Variants in ROBO1 observed in about 807,000 individuals in gnomAD.
ROBO1 encodes roundabout homolog 1.
ROBO1 carries 149 observed loss-of-function variants against 195.9 expected under a neutral mutation model. That is an observed-to-expected ratio of 0.76 (90% confidence interval 0.67 to 0.87). The LOEUF is 0.87. ROBO1 is among the 40% of genes least tolerant of loss of function. The pLI, the probability that ROBO1 is intolerant of heterozygous loss-of-function variation, is 0.00. For synonymous variants in ROBO1, 816 were observed against 733.2 expected (o/e 1.11, Z -1.82); for missense variants, 1,933 against 2,068.3 (o/e 0.93, Z 1.27).
At chr3:78,806,109 A>G (rs1282099473) in intron 4 of ROBO1, among the ~76,000 whole-genome samples, 2 of 151,940 alleles carry the variant, frequency 1.3e-5, no homozygotes, top group East Asian at 3.9e-4. Context: ...GCAGGTGTGC[A>G]CTACCACATC....
At chr3:79,554,462 A>T (rs1344277248) in intron 2 of ROBO1, among the ~76,000 whole-genome samples, 1 of 152,082 alleles carries the variant, frequency 6.6e-6, no homozygotes, top group African/African-American at 2.4e-5. Context: ...GCATGAAAGG[A>T]TGGTTAAAAC....
chr3:78,685,988 T>A (rs1178094799), intron 9 of ROBO1, 71 bp from the exon 10 acceptor site: 1 of 1,294,118 alleles, frequency 7.7e-7, no homozygotes, highest in African/African-American at 1.5e-5. Flanking sequence ...TTTTGGCACT[T>A]ATGCATTTAC....
intron 1 of ROBO1, among the ~76,000 whole-genome samples, chr3:79,719,997 T>C (rs1702635974): frequency 6.6e-6 from 1 of 152,186 alleles, no homozygotes; most frequent in African/African-American, 2.4e-5. Context: ...ATGTGTACTA[T>C]AAAAATATAA....
chr3:78,924,017 T>C (rs2039079932), intron 4 of ROBO1, among the ~76,000 whole-genome samples: 2 of 151,658 alleles, frequency 1.3e-5, no homozygotes, highest in African/African-American at 2.4e-5. Context: ...AACTCTGTTA[T>C]CCAACAAAAG....
chr3:78,991,761 A>T (rs1295139514), intron 3 of ROBO1, among the ~76,000 whole-genome samples: 5 of 152,200 alleles, frequency 3.3e-5, no homozygotes, highest in Admixed American at 3.3e-4. Context: ...TGCTTATTCC[A>T]TAGGAAGGAT....
chr3:79,644,494 C>T (rs1687800975), intron 1 of ROBO1, among the ~76,000 whole-genome samples: 1 of 152,144 alleles, frequency 6.6e-6, no homozygotes. Context: ...TCAGGACTTA[C>T]ATGGAGGCAA....
intron 26 of ROBO1, among the ~76,000 whole-genome samples, chr3:78,626,230 C>T (rs557164593): frequency 3.3e-5 from 5 of 152,240 alleles, no homozygotes; most frequent in African/African-American, 1.2e-4. Context: ...TGGTCTGTGA[C>T]TTTAATATGG....
intron 8 of ROBO1, among the ~76,000 whole-genome samples, chr3:78,701,964 G>C (rs1360115352): frequency 6.6e-6 from 1 of 152,126 alleles, no homozygotes; most frequent in Non-Finnish European, 1.5e-5. Context: ...CAGTTTAAAA[G>C]CAAATTAAAG....
chr3:78,690,539 C>T (rs1187381653), intron 8 of ROBO1, among the ~76,000 whole-genome samples: 4 of 151,874 alleles, frequency 2.6e-5, no homozygotes, highest in East Asian at 1.9e-4. Context: ...TAATAATAGG[C>T]GAGGGCATCA....
chr3:79,242,135 A>G (rs1389394988), intron 2 of ROBO1, among the ~76,000 whole-genome samples: 4 of 152,042 alleles, frequency 2.6e-5, no homozygotes, highest in East Asian at 1.9e-4. Context: ...AAGGGTAGGA[A>G]TTGAAGCAGC....
chr3:78,599,724 A>T (rs751617035), intron 30 of ROBO1, among the ~76,000 whole-genome samples: 41 of 152,320 alleles, frequency 2.7e-4, no homozygotes, highest in African/African-American at 9.1e-4. Flanking sequence ...CCTGGTGCTG[A>T]CTATGGCAAC....
intron 2 of ROBO1, among the ~76,000 whole-genome samples, chr3:79,227,649 T>C (rs1240672319): frequency 6.6e-6 from 1 of 152,088 alleles, no homozygotes; most frequent in Non-Finnish European, 1.5e-5. Context: ...CAAATTACAC[T>C]CAAATTAATC....
At chr3:79,645,731 G>A (rs1945801688) in intron 1 of ROBO1, among the ~76,000 whole-genome samples, 1 of 152,002 alleles carries the variant, frequency 6.6e-6, no homozygotes, top group Admixed American at 6.6e-5. Context: ...ATGCCACAAA[G>A]TTACAGCAAC....
At chr3:78,915,938 G>C (rs1263022599) in intron 4 of ROBO1, among the ~76,000 whole-genome samples, 1 of 152,096 alleles carries the variant, frequency 6.6e-6, no homozygotes, top group Non-Finnish European at 1.5e-5. Flanking sequence ...TGCGAGAGCC[G>C]CTGTGCCCAG....
At chr3:78,638,243 ATACACACATACATATATG>A (rs1167961520) in intron 22 of ROBO1, among the ~76,000 whole-genome samples, 2 of 137,148 alleles carry the variant, frequency 1.5e-5, no homozygotes, top group African/African-American at 5.6e-5. Context: ...GTATGTGTGT[ATACACACATACATATATG>A]TATATGTGTA....
At chr3:79,412,226 A>G (rs2037798218) in intron 2 of ROBO1, among the ~76,000 whole-genome samples, 1 of 152,156 alleles carries the variant, frequency 6.6e-6, no homozygotes, top group Non-Finnish European at 1.5e-5. Flanking sequence ...GGTTAAAAAA[A>G]TTAGAAGAGA....
chr3:78,989,319 T>C (rs2077182537), intron 3 of ROBO1, among the ~76,000 whole-genome samples: 1 of 152,054 alleles, frequency 6.6e-6, no homozygotes. Context: ...AATTTAAAAA[T>C]AAAAAAATTT....
At chr3:78,878,088 T>TA (rs1467127297) in intron 4 of ROBO1, among the ~76,000 whole-genome samples, 4 of 152,068 alleles carry the variant, frequency 2.6e-5, no homozygotes, top group South Asian at 4.1e-4. Flanking sequence ...CGTTCTCAAT[T>TA]AAAAATGATA....
At chr3:79,008,575 A>T (rs963212415) in intron 3 of ROBO1, among the ~76,000 whole-genome samples, 2 of 151,490 alleles carry the variant, frequency 1.3e-5, no homozygotes, top group Non-Finnish European at 2.9e-5. Flanking sequence ...ACATATATAC[A>T]TATATATATT....
Sources: gnomAD v4.1 joint callset for allele counts (sites outside exome capture counted in the v4.1 genomes callset) on GRCh38, gnomAD v4.1.1 for gene constraint, MANE v1.5 for transcripts, NCBI Gene and HGNC (gene_info 2026-07-23, HGNC 2026-07-21) for gene names.